Variants in CDH18 observed in about 807,000 individuals in gnomAD.
The protein encoded by CDH18 is cadherin 18, also known as cadherin-18.
Under a neutral mutation model 67.9 loss-of-function variants are expected in CDH18, and 31 were observed. The observed-to-expected ratio is 0.46, with a 90% CI of 0.34 to 0.62. The LOEUF (loss-of-function observed/expected upper bound fraction) is 0.62. CDH18 is among the 20% of genes least tolerant of loss of function. The probability of loss-of-function intolerance (pLI) is 0.01; values close to 1 mark genes in which losing one functional copy is unlikely to be tolerated. For missense variants in CDH18, 890 were observed against 975.5 expected (o/e 0.91, Z 1.17); for synonymous variants, 362 against 347.2 (o/e 1.04, Z -0.48).
intron 2 of CDH18, among the ~76,000 whole-genome samples, chr5:19,871,121 G>A (rs770135881): frequency 7.9e-5 from 12 of 152,154 alleles, no homozygotes; most frequent in Middle Eastern, 3.4e-3. Context: ...TCTAAAATTC[G>A]TGAGTGGAAG....
intron 1 of CDH18, among the ~76,000 whole-genome samples, chr5:20,433,069 T>G (rs1047466543): frequency 5.3e-5 from 8 of 150,382 alleles, no homozygotes; most frequent in Non-Finnish European, 1.0e-4. Flanking sequence ...AAACACTATG[T>G]TAGTCACGGA....
chr5:19,714,891 GTTA>G (rs1009535840), intron 5 of CDH18, among the ~76,000 whole-genome samples: 2 of 151,604 alleles, frequency 1.3e-5, no homozygotes, highest in Non-Finnish European at 2.9e-5. Context: ...AATTATTATT[GTTA>G]TTATTATTAT....
intron 2 of CDH18, among the ~76,000 whole-genome samples, chr5:19,951,235 A>C (rs1214011159): frequency 6.6e-6 from 1 of 152,150 alleles, no homozygotes; most frequent in African/African-American, 2.4e-5. Context: ...TCTCTGGGTA[A>C]GGCACTTAAA....
At chr5:20,088,375 G>A (rs1745151443) in intron 2 of CDH18, among the ~76,000 whole-genome samples, 1 of 152,196 alleles carries the variant, frequency 6.6e-6, no homozygotes, top group African/African-American at 2.4e-5. Context: ...TTTCGGAATG[G>A]TCATATGATT....
intron 1 of CDH18, among the ~76,000 whole-genome samples, chr5:20,391,026 C>T (rs1222998852): frequency 6.6e-6 from 1 of 151,874 alleles, no homozygotes; most frequent in Non-Finnish European, 1.5e-5. Flanking sequence ...GGAGATATAC[C>T]TAATGCTAAA....
At chr5:20,304,436 T>C (rs1489462920) in intron 1 of CDH18, 9 of 1,497,486 alleles carry the variant, frequency 6.0e-6, no homozygotes, top group Middle Eastern at 1.7e-4. Flanking sequence ...ATGATTCTCT[T>C]CTTCATCTCC....
intron 2 of CDH18, among the ~76,000 whole-genome samples, chr5:20,059,917 T>C (rs956335420): frequency 6.0e-5 from 9 of 150,682 alleles, no homozygotes; most frequent in African/African-American, 2.2e-4. Flanking sequence ...TAAGTGGGAG[T>C]TGAGCAATGA....
chr5:19,866,553 G>C (rs531844159), intron 2 of CDH18, among the ~76,000 whole-genome samples: 6 of 152,286 alleles, frequency 3.9e-5, no homozygotes, highest in Admixed American at 2.0e-4. Context: ...TATCTGGTAC[G>C]AAGTAAGTAG....
chr5:19,628,605 G>C (rs1751922079), intron 5 of CDH18, among the ~76,000 whole-genome samples: 1 of 152,026 alleles, frequency 6.6e-6, no homozygotes. Context: ...GTTTGACCTA[G>C]AATACAGAAA....
At chr5:20,239,940 G>A (rs751379068) in intron 2 of CDH18, among the ~76,000 whole-genome samples, 3 of 151,738 alleles carry the variant, frequency 2.0e-5, no homozygotes, top group East Asian at 1.9e-4. Flanking sequence ...ATAGACTTCC[G>A]AAAAGGAAAA....
chr5:19,864,320 T>C (rs932750354), intron 2 of CDH18, among the ~76,000 whole-genome samples: 22 of 142,810 alleles, frequency 1.5e-4, no homozygotes, highest in African/African-American at 5.2e-4. Context: ...TAGGTGGGAA[T>C]TGAACAATGA....
At chr5:19,976,307 C>G (rs1798492913) in intron 2 of CDH18, among the ~76,000 whole-genome samples, 2 of 152,064 alleles carry the variant, frequency 1.3e-5, no homozygotes, top group Admixed American at 1.3e-4. Context: ...AAAAAGCTCA[C>G]AGATTCTGGC....
intron 5 of CDH18, among the ~76,000 whole-genome samples, chr5:19,672,275 A>T (rs894577096): frequency 1.3e-4 from 20 of 152,126 alleles, no homozygotes; most frequent in Non-Finnish European, 8.8e-5. Context: ...GAGGTCCAGC[A>T]AGTATTCTCA....
intron 5 of CDH18, among the ~76,000 whole-genome samples, chr5:19,647,527 CAAAAAAAAAA>C (rs3062888): frequency 0.025 from 728 of 28,784 alleles, 7 homozygotes; most frequent in African/African-American, 0.092. Context: ...GAGACTCCAT[CAAAAAAAAAA>C]AAAAAAAAAA....
rs148332445 is a variant in CDH18, at chr5:20,486,036, C to T, written c.-580+89426G>A. Among the ~76,000 whole-genome samples, 653 of 152,164 alleles carry T rather than the reference C, an allele frequency of 4.3e-3. 6 individuals carry two copies. The highest frequency in any genetic ancestry group is 0.015 in the African/African-American group (621 of 41,518). On this transcript the variant is annotated intron_variant, in intron 1 of 14. Transcript: ENST00000507958. Reference sequence around the variant, plus strand: ...GGCTTGTTATTTGGCTGGATGATCCCGATTATGAAGGGTTAAAAGAGTTGC... The same window carrying T: ...GGCTTGTTATTTGGCTGGATGATCCTGATTATGAAGGGTTAAAAGAGTTGC...
intron 7 of CDH18, among the ~76,000 whole-genome samples, chr5:19,582,645 T>A (rs1301885101): frequency 6.6e-6 from 1 of 151,980 alleles, no homozygotes; most frequent in Non-Finnish European, 1.5e-5. Flanking sequence ...GATAATGAAA[T>A]TCCTAAGGAA....
intron 1 of CDH18, among the ~76,000 whole-genome samples, chr5:20,413,269 C>A (rs1015223769): frequency 6.6e-6 from 1 of 152,222 alleles, no homozygotes; most frequent in African/African-American, 2.4e-5. Flanking sequence ...CCGCAATAAA[C>A]ATACATGTTC....
intron 2 of CDH18, among the ~76,000 whole-genome samples, chr5:20,015,749 G>C (rs191700914): frequency 1.9e-3 from 287 of 152,202 alleles, no homozygotes; most frequent in Non-Finnish European, 3.3e-3. Flanking sequence ...CATGGCAGAT[G>C]ATGAGCTTGC....
At chr5:20,100,256 T>TTGTAATCATTTATA (rs1387693501) in intron 2 of CDH18, among the ~76,000 whole-genome samples, 2 of 152,204 alleles carry the variant, frequency 1.3e-5, no homozygotes, top group Non-Finnish European at 2.9e-5. Flanking sequence ...AAATCTTATC[T>TTGTAATCATTTATA]GTTCTTGTAA....
Sources: allele counts gnomAD v4.1 joint callset (sites outside exome capture counted in the v4.1 genomes callset), GRCh38; gene constraint gnomAD v4.1.1; transcripts MANE v1.5; gene names NCBI Gene and HGNC (gene_info 2026-07-23, HGNC 2026-07-21).